The following ASCC3 variants were observed in gnomAD, a reference collection of about 807,000 sequenced individuals.
ASCC3 encodes activating signal cointegrator 1 complex subunit 3.
Under a neutral mutation model 256.3 loss-of-function variants are expected in ASCC3, and 158 were observed. The observed-to-expected ratio is 0.62, with a 90% CI of 0.54 to 0.70. The LOEUF is 0.70. ASCC3 is among the 30% of genes least tolerant of loss of function. The probability of loss-of-function intolerance (pLI) is 0.00; values close to 1 mark genes in which losing one functional copy is unlikely to be tolerated. For missense variants in ASCC3, 2,259 were observed against 2,626.0 expected, an observed-to-expected ratio of 0.86 and a Z score of 3.05; for synonymous variants, 948 against 883.4, an observed-to-expected ratio of 1.07 and a Z score of -1.30.
chr6:100,585,226 G>C (rs868776592), intron 36 of ASCC3, among the ~76,000 whole-genome samples: 1 of 152,108 alleles, frequency 6.6e-6, no homozygotes, highest in African/African-American at 2.4e-5. Context: ...CCAATCAGAC[G>C]CAGATTTGGT....
At position 100,776,025 on chromosome 6, in the gene ASCC3, T is replaced by G. The variant is rs145195986; in HGVS notation, c.1396-8680A>C. On this transcript the variant is annotated intron_variant, in intron 8 of 41. Coordinates refer to ENST00000369162, the MANE Select transcript of ASCC3 (RefSeq NM_006828.4). Reference sequence around the variant, plus strand: ...AAAACAAATGATTAAAGAAGAAGAATAATGTGGGTTATATCAAAACTCTAT... The same window carrying G: ...AAAACAAATGATTAAAGAAGAAGAAGAATGTGGGTTATATCAAAACTCTAT... 2.0e-5 allele frequency among the ~76,000 whole-genome samples: 3 copies of G among 152,176 alleles called. No homozygotes were observed. The East Asian group carries it at 5.8e-4, about 29-fold the overall frequency.
chr6:100,702,196 A>G (rs190944633), intron 13 of ASCC3, among the ~76,000 whole-genome samples: 3 of 152,238 alleles, frequency 2.0e-5, no homozygotes, highest in East Asian at 3.9e-4. Context: ...TGGCTTACGT[A>G]GTGGTGGCAG....
intron 8 of ASCC3, among the ~76,000 whole-genome samples, chr6:100,769,639 GA>G (rs1400523464): frequency 2.6e-5 from 4 of 151,414 alleles, no homozygotes; most frequent in African/African-American, 9.7e-5. Context: ...AAAGATCAAT[GA>G]AACAAAAAAC....
intron 34 of ASCC3, among the ~76,000 whole-genome samples, chr6:100,599,981 G>C (rs1048738837): frequency 1.3e-5 from 2 of 151,988 alleles, no homozygotes; most frequent in African/African-American, 4.8e-5. Flanking sequence ...CAGTGAGGGA[G>C]GGAGGCTATT....
At chr6:100,666,875 A>G (rs578088215) in intron 14 of ASCC3, among the ~76,000 whole-genome samples, 326 of 152,302 alleles carry the variant, frequency 2.1e-3, no homozygotes, top group Middle Eastern at 3.4e-3. Flanking sequence ...CACTGTAAAG[A>G]ATCAAAGAGA....
chr6:100,664,572 G>T (rs1776379730), intron 14 of ASCC3, among the ~76,000 whole-genome samples: 1 of 151,884 alleles, frequency 6.6e-6, no homozygotes, highest in Non-Finnish European at 1.5e-5. Context: ...GTTTCAAGGG[G>T]GGTGTATTCT....
chr6:100,719,936 A>G (rs1779248392), intron 11 of ASCC3, among the ~76,000 whole-genome samples: 1 of 151,888 alleles, frequency 6.6e-6, no homozygotes, highest in African/African-American at 2.4e-5. Context: ...ATTTCTCCCA[A>G]TCATGCCAAG....
At chr6:100,620,027 A>C (rs1345783054) in intron 30 of ASCC3, among the ~76,000 whole-genome samples, 1 of 152,150 alleles carries the variant, frequency 6.6e-6, no homozygotes, top group Non-Finnish European at 1.5e-5. Context: ...AGGTATAGGA[A>C]AAGTAGTGTA....
chr6:100,815,331 C>T (rs1408150616), intron 4 of ASCC3, among the ~76,000 whole-genome samples: 1 of 151,868 alleles, frequency 6.6e-6, no homozygotes, highest in Non-Finnish European at 1.5e-5. Flanking sequence ...GTTAAAATGG[C>T]CATACTGCCA....
At chr6:100,727,548 T>A (rs1779693640) in intron 10 of ASCC3, among the ~76,000 whole-genome samples, 1 of 151,980 alleles carries the variant, frequency 6.6e-6, no homozygotes, top group Non-Finnish European at 1.5e-5. Context: ...GAAGGAACTT[T>A]CACTGTATCA....
intron 10 of ASCC3, among the ~76,000 whole-genome samples, chr6:100,728,541 T>C (rs1338832146): frequency 6.6e-6 from 1 of 152,022 alleles, no homozygotes; most frequent in Non-Finnish European, 1.5e-5. Context: ...CAAAGACATG[T>C]ATAAGAATTT....
rs550993787 is a variant in ASCC3, at chr6:100,624,284, C to T, written c.4785+908G>A. Reference sequence around the variant, plus strand: ...ATATATTTTTCTAAATTTGGCAAAGCTCTCACACAAATCTACAAAATAAAT... The same window carrying T: ...ATATATTTTTCTAAATTTGGCAAAGTTCTCACACAAATCTACAAAATAAAT... On this transcript the variant is annotated intron_variant, in intron 30 of 41. Coordinates refer to ENST00000369162, the MANE Select transcript of ASCC3 (RefSeq NM_006828.4). Among the ~76,000 whole-genome samples the T allele has an allele frequency of 2.6e-5, 4 of 151,146 alleles. No homozygotes were observed. In the South Asian group the frequency reaches 8.4e-4, roughly 32 times the overall value.
rs561171520 is a variant in ASCC3, at chr6:100,665,718, C to T, written c.2287-3182G>A. 5.3e-4 allele frequency among the ~76,000 whole-genome samples: 78 copies of T among 146,704 alleles called. 1 individual carries two copies. The highest frequency in any genetic ancestry group is 1.4e-3 in the African/African-American group (54 of 39,330). The stretch of plus-strand genomic sequence containing the variant: ...TCACATCACTGAACTCCAGCCTGGG[C>T]GACAGAGTGAGACTCTGTCTCAAAA... On this transcript the variant is annotated intron_variant, in intron 14 of 41. Coordinates refer to ENST00000369162, the MANE Select transcript of ASCC3 (RefSeq NM_006828.4).
At chr6:100,819,496 T>G (rs1770934258) in intron 4 of ASCC3, among the ~76,000 whole-genome samples, 1 of 152,228 alleles carries the variant, frequency 6.6e-6, no homozygotes, top group African/African-American at 2.4e-5. Flanking sequence ...AGGAAGCCAG[T>G]CCGAGTCCCA....
At chr6:100,527,176 G>T (rs1448033690) in intron 37 of ASCC3, among the ~76,000 whole-genome samples, 3 of 152,080 alleles carry the variant, frequency 2.0e-5, no homozygotes, top group African/African-American at 7.2e-5. Flanking sequence ...CCCAATGTAT[G>T]CTTATAGTAT....
chr6:100,524,740 G>A lies in ASCC3; in HGVS notation c.5776-6598C>T, dbSNP rs141459301. 9.0e-3 allele frequency among the ~76,000 whole-genome samples: 1,370 copies of A among 152,028 alleles called. 11 individuals carry two copies. Among genetic ancestry groups the A allele is most frequent in the Middle Eastern group, 0.017 (5 of 294 alleles). On this transcript the variant is annotated intron_variant, in intron 37 of 41. Coordinates refer to ENST00000369162, the MANE Select transcript of ASCC3 (RefSeq NM_006828.4). ...CATGGAACTGGACAGATGGCTCCAG[G>A]CTCTCTCTGCTTCTTAGTATTCTTT...
At chr6:100,733,190 T>A (rs1779988593) in intron 10 of ASCC3, among the ~76,000 whole-genome samples, 1 of 152,152 alleles carries the variant, frequency 6.6e-6, no homozygotes, top group Non-Finnish European at 1.5e-5. Flanking sequence ...AGAACCTCAA[T>A]AAAAGTGTTA....
At chr6:100,840,943 A>G (rs1199645293) in intron 4 of ASCC3, among the ~76,000 whole-genome samples, 1 of 152,128 alleles carries the variant, frequency 6.6e-6, no homozygotes, top group Non-Finnish European at 1.5e-5. Context: ...ATACTGAAAA[A>G]AAAAGAGAAA....
At chr6:100,718,817 C>T (rs1348514039) in intron 11 of ASCC3, among the ~76,000 whole-genome samples, 3 of 151,926 alleles carry the variant, frequency 2.0e-5, no homozygotes, top group Non-Finnish European at 4.4e-5. Context: ...TTTTAGGTCA[C>T]AAAAAACTCA....
Sources: allele counts gnomAD v4.1 joint callset (sites outside exome capture counted in the v4.1 genomes callset), GRCh38; gene constraint gnomAD v4.1.1; transcripts MANE v1.5; gene names NCBI Gene and HGNC (gene_info 2026-07-23, HGNC 2026-07-21).